GRIK4: variants seen among roughly 807,000 people sequenced by gnomAD.
GRIK4 encodes glutamate ionotropic receptor kainate type subunit 4, also known as glutamate receptor ionotropic, kainate 4.
GRIK4 carries 40 observed loss-of-function variants against 104.9 expected under a neutral mutation model. That is an observed-to-expected ratio of 0.38 (90% CI 0.30 to 0.50). GRIK4 has a LOEUF of 0.50. Ranked by LOEUF, GRIK4 falls within the 20% of genes least tolerant of loss-of-function variation. The pLI, the probability that GRIK4 is intolerant of heterozygous loss-of-function variation, is 0.93. For missense variants in GRIK4, 1,047 were observed against 1,308.1 expected, an observed-to-expected ratio of 0.80 and a Z score of 3.08; for synonymous variants, 485 against 524.9, an observed-to-expected ratio of 0.92 and a Z score of 1.04.
intron 3 of GRIK4, among the ~76,000 whole-genome samples, chr11:120,711,772 G>T (rs1393317587): frequency 6.6e-6 from 1 of 152,210 alleles, no homozygotes; most frequent in African/African-American, 2.4e-5. Flanking sequence ...TTTTGTGGCT[G>T]GAGAGGGCTG....
intron 1 of GRIK4, among the ~76,000 whole-genome samples, chr11:120,519,996 G>T (rs542753838): frequency 6.6e-6 from 1 of 151,240 alleles, no homozygotes; most frequent in Non-Finnish European, 1.5e-5. Flanking sequence ...GGGTTCAAGC[G>T]ATTCTACTGC....
chr11:120,915,450 A>G (rs929935701), intron 13 of GRIK4, among the ~76,000 whole-genome samples: 1 of 151,866 alleles, frequency 6.6e-6, no homozygotes, highest in Non-Finnish European at 1.5e-5. Context: ...GGGCTCTCCC[A>G]TCTCATCTCC....
chr11:120,908,460 CAG>C (rs58131384), intron 13 of GRIK4, among the ~76,000 whole-genome samples: 49 of 151,072 alleles, frequency 3.2e-4, no homozygotes, highest in African/African-American at 1.1e-3. Flanking sequence ...CACACACACA[CAG>C]AGAGATTGAG....
chr11:120,540,164 G>A (rs529523203), intron 1 of GRIK4, among the ~76,000 whole-genome samples: 101 of 152,314 alleles, frequency 6.6e-4, no homozygotes, highest in African/African-American at 2.4e-3. Context: ...CAAGCAGCCA[G>A]GTAAGAGGAG....
rs199752302 is a variant in GRIK4, at chr11:120,874,147, G to C, written c.988G>C (p.Val330Leu). The change falls in exon 10 of 21, where the codon GTG becomes CTG. Residue 330 changes from valine to leucine, a missense_variant. Around this residue, in one of 3 missense-constraint regions of GRIK4, gnomAD observed 447 missense variants for 514.9 expected, o/e 0.87. Coordinates refer to ENST00000527524, the MANE Select transcript of GRIK4 (RefSeq NM_014619.5). Reference protein sequence around the residue: ...QELNRSQEIGVKPLSCGSAQI... With the variant: ...QELNRSQEIGLKPLSCGSAQI... ...ACTGAACCGGAGCCAAGAGATCGGC[G>C]TGAAGCCCTTGTCCTGCGGCTCGGC... 3 of 1,613,958 alleles carry C rather than the reference G, an allele frequency of 1.9e-6. No individual in the cohort carries two copies. The highest frequency in any genetic ancestry group is 1.7e-6 in the Non-Finnish European group (2 of 1,179,956).
rs2850816 is a variant in GRIK4 at position 120,900,186 on chromosome 11, G to A, written c.1272+1547G>A. Among the ~76,000 whole-genome samples, 1,008 of 152,290 alleles carry A rather than the reference G, an allele frequency of 6.6e-3. 7 individuals are homozygous for A. The highest frequency in any genetic ancestry group is 0.023 in the African/African-American group (944 of 41,554). ...AGACAGGGAATGAGTGGGGAGGAGA[G>A]GTCAATGAAGGAGGGCATTGTCGGG... On this transcript the variant is annotated intron_variant, in intron 12 of 20. Coordinates refer to ENST00000527524, the MANE Select transcript of GRIK4 (RefSeq NM_014619.5).
At chr11:120,731,974 T>C (rs1951139493) in intron 3 of GRIK4, among the ~76,000 whole-genome samples, 1 of 152,166 alleles carries the variant, frequency 6.6e-6, no homozygotes, top group Non-Finnish European at 1.5e-5. Flanking sequence ...AGGTTTGTCA[T>C]TTTTAAAAAT....
At chr11:120,788,700 T>C (rs1952337335) in intron 3 of GRIK4, among the ~76,000 whole-genome samples, 1 of 152,134 alleles carries the variant, frequency 6.6e-6, no homozygotes, top group African/African-American at 2.4e-5. Flanking sequence ...TCCTTTCTGC[T>C]GACTTTCTCT....
chr11:120,602,135 A>G (rs1186637052), intron 1 of GRIK4, among the ~76,000 whole-genome samples: 5 of 152,026 alleles, frequency 3.3e-5, no homozygotes, highest in Admixed American at 3.3e-4. Flanking sequence ...GGCTCCTTAC[A>G]GTATAGTTCA....
At chr11:120,830,873 C>G (rs1953410304) in intron 6 of GRIK4, among the ~76,000 whole-genome samples, 1 of 151,316 alleles carries the variant, frequency 6.6e-6, no homozygotes, top group Non-Finnish European at 1.5e-5. Context: ...CACCCCCACC[C>G]CCCACATTTC....
chr11:120,552,908 G>A (rs1456366327), intron 1 of GRIK4, among the ~76,000 whole-genome samples: 1 of 151,896 alleles, frequency 6.6e-6, no homozygotes, highest in Non-Finnish European at 1.5e-5. Flanking sequence ...GCTGAGGCAG[G>A]AGAATCACTG....
chr11:120,834,539 G>C (rs990645025), intron 7 of GRIK4, among the ~76,000 whole-genome samples: 8 of 152,170 alleles, frequency 5.3e-5, no homozygotes, highest in African/African-American at 1.9e-4. Flanking sequence ...CTGTCCTCAT[G>C]CTTCCCTGGG....
At chr11:120,724,294 G>A (rs1352092657) in intron 3 of GRIK4, among the ~76,000 whole-genome samples, 1 of 152,194 alleles carries the variant, frequency 6.6e-6, no homozygotes, top group Non-Finnish European at 1.5e-5. Flanking sequence ...GACTACAGGT[G>A]TAAGTCACAG....
At chr11:120,931,555 G>C (rs557261399) in intron 13 of GRIK4, among the ~76,000 whole-genome samples, 1 of 152,186 alleles carries the variant, frequency 6.6e-6, no homozygotes, top group Non-Finnish European at 1.5e-5. Context: ...GCCAAATTAC[G>C]TGGGTTTGAA....
At chr11:120,871,487 T>C (rs11604517) in intron 9 of GRIK4, 6,452 of 401,562 alleles carry the variant, frequency 0.016, 334 homozygotes, top group African/African-American at 0.12. Flanking sequence ...GGGAGTGTGG[T>C]GGCTCAGCCC....
chr11:120,861,593 C>A (rs760975426), intron 8 of GRIK4, among the ~76,000 whole-genome samples: 4 of 152,144 alleles, frequency 2.6e-5, no homozygotes, highest in Non-Finnish European at 5.9e-5. Context: ...CAATTCTCCA[C>A]CCAGAAAATG....
chr11:120,597,954 T>G (rs1948827421), intron 1 of GRIK4, among the ~76,000 whole-genome samples: 2 of 152,146 alleles, frequency 1.3e-5, no homozygotes, highest in African/African-American at 2.4e-5. Flanking sequence ...TGCATTTTAC[T>G]TAGAGAGTTG....
Position 120,986,096 on chromosome 11 carries a change from C to A in GRIK4, c.2707C>A (p.Gln903Lys). The change falls in exon 21 of 21, where the codon CAG becomes AAG. Residue 903 changes from glutamine to lysine, a missense_variant. Transcript: ENST00000527524. ...GGCAGGGGAGCCCGACCAGCTCGCGCAGAGACTGGCGCAGGAGGCCGCCCT... is the reference window on the plus strand; with the variant it reads ...GGCAGGGGAGCCCGACCAGCTCGCGAAGAGACTGGCGCAGGAGGCCGCCCT... ...CGAGEPDQLA[Q>K]RLAQEAALVA... The A allele has an allele frequency of 6.6e-7, 1 of 1,512,418 alleles. No individual in the cohort carries two copies. Among genetic ancestry groups the A allele is most frequent in the Non-Finnish European group, 8.8e-7 (1 of 1,137,192 alleles). The allele number at this position is 1,512,418 out of a possible 1,614,324, so 93.7% of individuals were successfully genotyped here.
chr11:120,674,225 C>T (rs1277458647), intron 3 of GRIK4, among the ~76,000 whole-genome samples: 2 of 152,164 alleles, frequency 1.3e-5, no homozygotes, highest in African/African-American at 4.8e-5. Flanking sequence ...ATGTGATCCC[C>T]CAAATCAGAA....
Sources: gnomAD v4.1 joint callset for allele counts (sites outside exome capture counted in the v4.1 genomes callset) on GRCh38, gnomAD v4.1.1 for gene constraint, gnomAD v4.1.1 regional missense constraint, MANE v1.5 for transcripts, NCBI Gene and HGNC (gene_info 2026-07-23, HGNC 2026-07-21) for gene names.